Variants in CNTNAP2 observed in about 807,000 individuals in gnomAD.
The protein encoded by CNTNAP2 is contactin associated protein 2, also known as contactin-associated protein-like 2.
A neutral mutation model predicts 155.2 loss-of-function variants in CNTNAP2; 98 were observed. The observed-to-expected ratio is 0.63, with a 90% CI of 0.54 to 0.75. CNTNAP2 has a LOEUF of 0.75. CNTNAP2 is among the 30% of genes least tolerant of loss of function. The pLI is 0.00. For missense variants in CNTNAP2, 1,727 were observed against 1,688.1 expected, an observed-to-expected ratio of 1.02 and a Z score of -0.40; for synonymous variants, 651 against 631.2, an observed-to-expected ratio of 1.03 and a Z score of -0.47.
At chr7:146,892,707 C>T (rs1208222190) in intron 3 of CNTNAP2, among the ~76,000 whole-genome samples, 2 of 152,228 alleles carry the variant, frequency 1.3e-5, no homozygotes, top group East Asian at 3.9e-4. Flanking sequence ...ACCTGGGAGG[C>T]AGAGGTTGCA....
intron 3 of CNTNAP2, among the ~76,000 whole-genome samples, chr7:146,991,147 T>C (rs1348334922): frequency 6.6e-6 from 1 of 152,046 alleles, no homozygotes; most frequent in African/African-American, 2.4e-5. Flanking sequence ...AAGAAAAAAT[T>C]AGATCTAGCC....
intron 9 of CNTNAP2, among the ~76,000 whole-genome samples, chr7:147,330,374 G>T (rs1795537571): frequency 6.6e-6 from 1 of 152,076 alleles, no homozygotes; most frequent in African/African-American, 2.4e-5. Flanking sequence ...TGTCCGTTGT[G>T]ATAAACCACT....
At chr7:146,228,539 A>G (rs1799332281) in intron 1 of CNTNAP2, among the ~76,000 whole-genome samples, 1 of 152,198 alleles carries the variant, frequency 6.6e-6, no homozygotes, top group African/African-American at 2.4e-5. Flanking sequence ...GTATATGTAT[A>G]TATTCTTTCT....
intron 15 of CNTNAP2, among the ~76,000 whole-genome samples, chr7:147,987,941 C>T (rs942379160): frequency 6.6e-6 from 1 of 152,096 alleles, no homozygotes; most frequent in African/African-American, 2.4e-5. Flanking sequence ...ATGATCCACC[C>T]CTCTCGGCCT....
chr7:147,411,415 G>C lies in CNTNAP2; in HGVS notation c.1670+15635G>C, dbSNP rs539754539. On this transcript the variant is annotated intron_variant, in intron 10 of 23. Transcript: ENST00000361727. ...AAAGTTTGGGTCTCAGTAAGAAAGTGCTTTCAGCTGTTAGGAACAGAGACC... is the reference window on the plus strand; with the variant it reads ...AAAGTTTGGGTCTCAGTAAGAAAGTCCTTTCAGCTGTTAGGAACAGAGACC... 3.9e-5 allele frequency among the ~76,000 whole-genome samples: 6 copies of C among 152,278 alleles called. No individual in the cohort carries two copies. The East Asian group carries it at 5.8e-4, about 15-fold the overall frequency.
At chr7:146,545,505 C>T (rs144355349) in intron 1 of CNTNAP2, among the ~76,000 whole-genome samples, 19 of 151,850 alleles carry the variant, frequency 1.3e-4, no homozygotes, top group African/African-American at 3.9e-4. Flanking sequence ...CCTCACCCCC[C>T]AACATGCCCT....
At chr7:146,523,392 G>T (rs1797643452) in intron 1 of CNTNAP2, among the ~76,000 whole-genome samples, 1 of 151,706 alleles carries the variant, frequency 6.6e-6, no homozygotes, top group African/African-American at 2.4e-5. Flanking sequence ...TTTCTCCCTG[G>T]ATCCAATATC....
chr7:147,385,287 T>C (rs1796606289), intron 9 of CNTNAP2, among the ~76,000 whole-genome samples: 1 of 152,158 alleles, frequency 6.6e-6, no homozygotes, highest in Non-Finnish European at 1.5e-5. Flanking sequence ...CCAAATCTCA[T>C]GACATCACAT....
At chr7:147,973,160 T>TAAAAAAAAAA (rs35756000) in intron 14 of CNTNAP2, among the ~76,000 whole-genome samples, 2,437 of 120,356 alleles carry the variant, frequency 0.02, 69 homozygotes, top group East Asian at 0.042. Flanking sequence ...TCTCTAAAAT[T>TAAAAAAAAAA]AAAAAAAAAA....
intron 1 of CNTNAP2, among the ~76,000 whole-genome samples, chr7:146,684,707 A>G (rs1387875565): frequency 6.8e-6 from 1 of 147,246 alleles, no homozygotes; most frequent in Non-Finnish European, 1.5e-5. Flanking sequence ...ACCTGGTGCA[A>G]TTACTATTAT....
At chr7:146,843,421 C>T (rs930354141) in intron 3 of CNTNAP2, among the ~76,000 whole-genome samples, 73 of 152,130 alleles carry the variant, frequency 4.8e-4, no homozygotes, top group Non-Finnish European at 1.0e-4. Context: ...TCAGGCCCCT[C>T]TTCCAACACT....
chr7:148,389,203 A>G (rs114787243), intron 22 of CNTNAP2, among the ~76,000 whole-genome samples: 3,015 of 152,248 alleles, frequency 0.02, 107 homozygotes, highest in African/African-American at 0.067. Context: ...CAGTTTGACT[A>G]TGTCCCCACC....
intron 11 of CNTNAP2, among the ~76,000 whole-genome samples, chr7:147,560,036 C>T (rs567837292): frequency 5.9e-5 from 9 of 151,840 alleles, no homozygotes; most frequent in East Asian, 5.8e-4. Context: ...GGCATGGTGG[C>T]GGATGCCTGT....
chr7:146,656,066 G>A (rs769573266), intron 1 of CNTNAP2, among the ~76,000 whole-genome samples: 4 of 152,208 alleles, frequency 2.6e-5, no homozygotes, highest in Non-Finnish European at 5.9e-5. Flanking sequence ...TCAAAAATTT[G>A]TAATTTACTA....
At chr7:147,272,674 T>TTTTTTA (rs1554461440) in intron 8 of CNTNAP2, among the ~76,000 whole-genome samples, 5 of 149,966 alleles carry the variant, frequency 3.3e-5, no homozygotes, top group Non-Finnish European at 3.0e-5. Flanking sequence ...ATTTTTTTTT[T>TTTTTTA]TTTTTTGTAT....
intron 13 of CNTNAP2, among the ~76,000 whole-genome samples, chr7:147,647,626 C>T (rs10259590): frequency 0.055 from 8,355 of 152,032 alleles, 639 homozygotes; most frequent in Admixed American, 0.15. Flanking sequence ...CTTACAATAA[C>T]ACAAGGTCTT....
chr7:146,222,266 G>A (rs1431198727), intron 1 of CNTNAP2, among the ~76,000 whole-genome samples: 4 of 152,190 alleles, frequency 2.6e-5, no homozygotes, highest in Non-Finnish European at 5.9e-5. Context: ...GCTGACAAGA[G>A]AAAGGATACT....
chr7:147,209,153 T>C (rs944051976), intron 8 of CNTNAP2, among the ~76,000 whole-genome samples: 1 of 152,102 alleles, frequency 6.6e-6, no homozygotes, highest in African/African-American at 2.4e-5. Context: ...AAGAATAGCA[T>C]TGAATTTGCA....
intron 1 of CNTNAP2, among the ~76,000 whole-genome samples, chr7:146,217,042 T>A (rs1799125878): frequency 6.6e-6 from 1 of 152,312 alleles, no homozygotes; most frequent in Non-Finnish European, 1.5e-5. Flanking sequence ...CATTTTAATT[T>A]GATTTTTAGG....
Sources: allele counts gnomAD v4.1 joint callset (sites outside exome capture counted in the v4.1 genomes callset), GRCh38; gene constraint gnomAD v4.1.1; transcripts MANE v1.5; gene names NCBI Gene and HGNC (gene_info 2026-07-23, HGNC 2026-07-21).